Variants in BPIFB4 observed in about 807,000 individuals in gnomAD.
BPIFB4 encodes BPI fold containing family B member 4, also known as BPI fold-containing family B member 4.
A neutral mutation model predicts 69.2 loss-of-function variants in BPIFB4; 62 were observed. The observed-to-expected ratio is 0.90, with a 90% CI of 0.73 to 1.11. The LOEUF is 1.11. Ranked by LOEUF, BPIFB4 falls within the 50% of genes least tolerant of loss-of-function variation. The pLI is 0.00. For synonymous variants in BPIFB4, 330 were observed against 332.7 expected, an observed-to-expected ratio of 0.99 and a Z score of 0.09; for missense variants, 789 against 792.0, an observed-to-expected ratio of 1.00 and a Z score of 0.04.
At chr20:33,089,469 C>T in intron 8 of BPIFB4, 29 bp from the exon 9 acceptor site, 1 of 1,614,198 alleles carries the variant, frequency 6.2e-7, no homozygotes, top group Non-Finnish European at 8.5e-7. Flanking sequence ...GCAGCGTCAA[C>T]AAGGCTTTGT....
In BPIFB4 at chr20:33,082,611, C is replaced by T. The variant is rs192991042; in HGVS notation, c.107-327C>T. ...CCTCTCAAAGTGCTGGGATTACAGG[C>T]ATGAGCCACCACGCCCGTCCTGAAG... is the stretch of plus-strand genomic sequence containing the variant. On this transcript the variant is annotated intron_variant, in intron 3 of 17. Transcript: ENST00000375483. Among the ~76,000 whole-genome samples, 909 of 152,320 alleles carry T rather than the reference C, an allele frequency of 6.0e-3. 10 individuals are homozygous for T. Among genetic ancestry groups the T allele is most frequent in the African/African-American group, 0.021 (886 of 41,576 alleles).
chr20:33,086,437 C>G (rs1224983574), intron 7 of BPIFB4, among the ~76,000 whole-genome samples: 2 of 152,206 alleles, frequency 1.3e-5, no homozygotes, highest in African/African-American at 4.8e-5. Flanking sequence ...CACATTCTTT[C>G]CAGCTTTGAA....
intron 2 of BPIFB4, 48 bp from the exon 3 acceptor site, chr20:33,081,464 G>A: frequency 6.5e-7 from 1 of 1,542,696 alleles, no homozygotes; most frequent in Non-Finnish European, 8.7e-7. Context: ...CTGCTGGCCA[G>A]GGTGGTGGCG....
At chr20:33,104,019 G>A (rs188975374) in intron 15 of BPIFB4, among the ~76,000 whole-genome samples, 30 of 152,182 alleles carry the variant, frequency 2.0e-4, no homozygotes, top group Non-Finnish European at 3.8e-4. Flanking sequence ...TATGATTTGG[G>A]TATTATTATT....
rs778933976 is a variant in BPIFB4, at chr20:33,083,614, C to T, written c.417C>T (p.Tyr139=). The part of the protein sequence containing the change: ...AYGGHRGLGR[Y]RAAPVGRLHR... ...GAGGCCACAGGGGCCTCGGGCGATA[C>T]AGGGCAGCACCTGTGGGCAGGCTTC... The change falls in exon 5 of 18, where the codon TAC becomes TAT. Residue 139 remains tyrosine (Y), a synonymous_variant. Coordinates refer to ENST00000375483, the MANE Select transcript of BPIFB4 (RefSeq NM_182519.3). 41 of 1,613,918 alleles carry T rather than the reference C, an allele frequency of 2.5e-5. No homozygotes were observed. The highest frequency in any genetic ancestry group is 1.6e-4 in the Middle Eastern group (1 of 6,078).
At chr20:33,102,032 A>G (rs1430857462) in intron 14 of BPIFB4, among the ~76,000 whole-genome samples, 2 of 152,222 alleles carry the variant, frequency 1.3e-5, no homozygotes, top group African/African-American at 4.8e-5. Context: ...CACATCAGAG[A>G]CATCCAGGAG....
Position 33,083,438 on chromosome 20 carries a change from C to T in BPIFB4, c.241C>T (p.Leu81Phe), listed in dbSNP as rs140765002. 646 of 1,613,756 alleles carry T rather than the reference C, an allele frequency of 4.0e-4. 5 individuals are homozygous for T. The East Asian group carries it at 0.011, about 28-fold the overall frequency. The change falls in exon 5 of 18, where the codon CTT (leucine) becomes TTT (phenylalanine). Residue 81 changes from leucine (L) to phenylalanine (F), a missense_variant. Physicochemically the swap from Leu to Phe is conservative, Grantham distance 22. This residue lies in a region of BPIFB4 where 611 missense variants were observed against 575.4 expected (regional missense o/e 1.06). Transcript: ENST00000375483. Reference sequence around the variant, plus strand: ...CCCAGTATATACCAACGGCAAAAAACTTGATGGTATTTACCAGTATGGTCA... The same window carrying T: ...CCCAGTATATACCAACGGCAAAAAATTTGATGGTATTTACCAGTATGGTCA... Reference protein sequence around the residue: ...PPPVYTNGKKLDGIYQYGHIE... With the variant: ...PPPVYTNGKKFDGIYQYGHIE...
In BPIFB4 at chr20:33,084,931, G is replaced by A. The variant is rs764729066; in HGVS notation, c.717G>A (p.Val239=). The change falls in exon 6 of 18, where the codon GTG becomes GTA. Residue 239 remains valine (V), a synonymous_variant. Coordinates refer to ENST00000375483, the MANE Select transcript of BPIFB4 (RefSeq NM_182519.3). ...AGCTGACCCTCCCTCGGGTGTCCGTGCGGCTCCTGCCCGGCGTGGGTGTCT... is the reference window on the plus strand; with the variant it reads ...AGCTGACCCTCCCTCGGGTGTCCGTACGGCTCCTGCCCGGCGTGGGTGTCT... The part of the protein sequence containing the change: ...IVELTLPRVS[V]RLLPGVGVYL... The A allele has an allele frequency of 2.5e-6, 4 of 1,610,990 alleles. No homozygotes were observed. Among genetic ancestry groups the A allele is most frequent in the Admixed American group, 1.7e-5 (1 of 60,020 alleles).
chr20:33,096,939 A>T (rs1981772549), intron 12 of BPIFB4, among the ~76,000 whole-genome samples: 1 of 152,268 alleles, frequency 6.6e-6, no homozygotes, highest in Non-Finnish European at 1.5e-5. Flanking sequence ...TCATTTGATA[A>T]ATATGGCAAA....
chr20:33,098,258 T>C (rs891510301), intron 13 of BPIFB4, among the ~76,000 whole-genome samples: 1 of 152,174 alleles, frequency 6.6e-6, no homozygotes, highest in African/African-American at 2.4e-5. Context: ...ACCCAGTGTG[T>C]GGCCAAGCCA....
At position 33,097,641 on chromosome 20, in the gene BPIFB4, T is replaced by A. The variant is rs751379362; in HGVS notation, c.1423T>A (p.Cys475Ser). 2 of 1,614,014 alleles carry A rather than the reference T, an allele frequency of 1.2e-6. No homozygotes were observed. The highest frequency in any genetic ancestry group is 4.5e-5 in the East Asian group (2 of 44,902). The stretch of plus-strand genomic sequence containing the variant: ...GGTGTTCCAGCAGTACCCCGAGTCC[T>A]GCCCACTTATCATCAGGATCCAGGT... ...PKVFQQYPESCPLIIRIQVLN... is the reference protein window; with the variant it reads ...PKVFQQYPESSPLIIRIQVLN... The change falls in exon 13 of 18, where the codon TGC becomes AGC. Residue 475 changes from cysteine (C) to serine (S), a missense_variant. Coordinates refer to ENST00000375483, the MANE Select transcript of BPIFB4 (RefSeq NM_182519.3).
At chr20:33,110,422 T>A (rs1180592818) in intron 17 of BPIFB4, among the ~76,000 whole-genome samples, 1 of 152,248 alleles carries the variant, frequency 6.6e-6, no homozygotes, top group Admixed American at 6.5e-5. Context: ...CCTGGAGGTG[T>A]TCACTTTGAG....
chr20:33,084,204 T>A (rs1167793226), intron 5 of BPIFB4, among the ~76,000 whole-genome samples: 1 of 152,216 alleles, frequency 6.6e-6, no homozygotes, highest in Non-Finnish European at 1.5e-5. Flanking sequence ...TTAAAAACTA[T>A]ACATATATAT....
At chr20:33,091,226 C>T (rs576732266) in intron 10 of BPIFB4, among the ~76,000 whole-genome samples, 6 of 152,182 alleles carry the variant, frequency 3.9e-5, no homozygotes, top group African/African-American at 9.6e-5. Context: ...TAAATGTGGC[C>T]AGAGGTATGC....
chr20:33,080,561 G>T lies in BPIFB4; in HGVS notation c.-31G>T, dbSNP rs1981198679. 6.6e-6 allele frequency: 1 copy of T among 152,218 alleles called. No individual in the cohort carries two copies. The highest frequency in any genetic ancestry group is 1.9e-4 in the East Asian group (1 of 5,200). 9.4% of individuals were successfully genotyped at this position (152,218 alleles called of 1,614,324 possible). ...GATACAACTTGTTTGTGATTTGGGA[G>T]CAGAAGTTCAAAAAGGTAAAGTCCC... On this transcript the variant is annotated 5_prime_UTR_variant, in exon 2 of 18. Coordinates refer to ENST00000375483, the MANE Select transcript of BPIFB4 (RefSeq NM_182519.3).
intron 10 of BPIFB4, 53 bp from the exon 11 acceptor site, chr20:33,092,405 C>T (rs1981624950): frequency 6.6e-7 from 1 of 1,518,618 alleles, no homozygotes; most frequent in East Asian, 2.4e-5. Flanking sequence ...CCTTCAGTCC[C>T]CTTCTTTCCA....
chr20:33,090,696 C>T lies in BPIFB4; in HGVS notation c.1052-12C>T. The T allele has an allele frequency of 1.2e-6, 2 of 1,613,888 alleles. No individual in the cohort carries two copies. The highest frequency in any genetic ancestry group is 1.1e-5 in the South Asian group (1 of 91,036). ...GAGGGGACCTCCCTGTGACCCTCTCCTTTGCCTGCAGCTCTGATTCCTCTG... is the reference window on the plus strand; with the variant it reads ...GAGGGGACCTCCCTGTGACCCTCTCTTTTGCCTGCAGCTCTGATTCCTCTG... On this transcript the variant is annotated splice_polypyrimidine_tract_variant and intron_variant, in intron 9 of 17. Coordinates refer to ENST00000375483, the MANE Select transcript of BPIFB4 (RefSeq NM_182519.3).
At chr20:33,081,757 C>T (rs182361119) in intron 3 of BPIFB4, 125 bp downstream of exon 3, 576 of 1,450,128 alleles carry the variant, frequency 4.0e-4, no homozygotes, top group Non-Finnish European at 5.0e-4. Context: ...GTGAATTCTA[C>T]TCTCTGGGCC....
chr20:33,088,034 C>T (rs1981485204), intron 7 of BPIFB4, among the ~76,000 whole-genome samples: 1 of 152,150 alleles, frequency 6.6e-6, no homozygotes. Flanking sequence ...GTCCGGCGGT[C>T]AGAGACATTT....
Sources: allele counts gnomAD v4.1 joint callset (sites outside exome capture counted in the v4.1 genomes callset), GRCh38; gene constraint gnomAD v4.1.1; regional missense constraint gnomAD v4.1.1; transcripts MANE v1.5; gene names NCBI Gene and HGNC (gene_info 2026-07-23, HGNC 2026-07-21).